Variants in C1GALT1 observed in about 807,000 individuals in gnomAD.
C1GALT1 encodes the protein glycoprotein-N-acetylgalactosamine 3-beta-galactosyltransferase 1.
In C1GALT1, 11 loss-of-function variants were observed where a neutral mutation model predicts 31.0. That is an observed-to-expected ratio of 0.36 (90% CI 0.22 to 0.59). The LOEUF (loss-of-function observed/expected upper bound fraction) is 0.59. Among genes scored for constraint, C1GALT1 ranks in the 20% least tolerant of loss-of-function variants. The pLI is 0.79. For missense variants in C1GALT1, 424 were observed against 425.2 expected (o/e 1.00, Z 0.03); for synonymous variants, 175 against 143.6 (o/e 1.22, Z -1.56).
chr7:7,240,732 A>C (rs1361025238), intron 3 of C1GALT1, among the ~76,000 whole-genome samples: 2 of 152,126 alleles, frequency 1.3e-5, no homozygotes, highest in Non-Finnish European at 2.9e-5. Context: ...CAGAGTACCA[A>C]AATTGACCCA....
chr7:7,158,299 T>A (rs1780295796), intron 2 of C1GALT1, among the ~76,000 whole-genome samples: 1 of 152,186 alleles, frequency 6.6e-6, no homozygotes, highest in Non-Finnish European at 1.5e-5. Flanking sequence ...GACTCTGTTC[T>A]GTCTAATTCA....
In C1GALT1 at chr7:7,244,954, T is replaced by C. The variant is rs1783783856; in HGVS notation, c.*1227T>C. On this transcript the variant is annotated 3_prime_UTR_variant, in exon 4 of 4. Transcript: ENST00000436587. ...TAATTGTTTTGCTAATGGATAATTC[T>C]AACAATGCAGAATACCTAGTCAAGA... is the stretch of plus-strand genomic sequence containing the variant. 2 of 152,244 alleles carry C rather than the reference T, an allele frequency of 1.3e-5. No homozygotes were observed. The highest frequency in any genetic ancestry group is 6.5e-5 in the Admixed American group (1 of 15,290). 9.4% of individuals were successfully genotyped at this position (152,244 alleles called of 1,614,324 possible). A position where few individuals can be genotyped will look rare whatever the true frequency, so the allele number is the denominator to read the frequency against.
chr7:7,205,717 A>G (rs915841413), intron 1 of C1GALT1, among the ~76,000 whole-genome samples: 1 of 152,178 alleles, frequency 6.6e-6, no homozygotes, highest in Non-Finnish European at 1.5e-5. Context: ...GTCTGATATT[A>G]GTATGGCACT....
chr7:7,237,354 A>G (rs552926310), intron 2 of C1GALT1, among the ~76,000 whole-genome samples: 139 of 152,320 alleles, frequency 9.1e-4, no homozygotes, highest in African/African-American at 3.1e-3. Context: ...ATGAGGTTAC[A>G]CTAGGATGTA....
chr7:7,207,506 A>G (rs1212718960), intron 1 of C1GALT1, among the ~76,000 whole-genome samples: 1 of 149,520 alleles, frequency 6.7e-6, no homozygotes, highest in Non-Finnish European at 1.5e-5. Context: ...TCATATTTCC[A>G]TTTTGTTCAT....
chr7:7,238,425 G>C lies in C1GALT1; in HGVS notation c.391G>C (p.Ala131Pro). Residue 131 changes from alanine (A) to proline (P), a missense_variant, in exon 3 of 4, where the codon GCT (alanine) becomes CCT (proline). Ala to Pro is a conservative substitution (Grantham distance 27). Transcript: ENST00000436587. This position sits in a 1 kb window ranked among gnomAD's most constrained non-coding sequence, Gnocchi z 5.2. ...TTCAGAAGAAAATAAAGACTTCCCT[G>C]CTGTGGGACTGAAAACCAAAGAAGG... ...MSSEENKDFP[A>P]VGLKTKEGRD... 6.2e-7 allele frequency: 1 copy of C among 1,613,946 alleles called. No individual in the cohort carries two copies. The highest frequency in any genetic ancestry group is 1.1e-5 in the South Asian group (1 of 91,072).
chr7:7,186,923 A>C (rs1780841348), intron 1 of C1GALT1, among the ~76,000 whole-genome samples: 1 of 152,208 alleles, frequency 6.6e-6, no homozygotes, highest in South Asian at 2.1e-4. Context: ...TGGCTCTCTA[A>C]GATTAGGAAG....
At chr7:7,169,987 C>A (rs970554323) in intron 2 of C1GALT1, among the ~76,000 whole-genome samples, 5 of 152,170 alleles carry the variant, frequency 3.3e-5, no homozygotes, top group Non-Finnish European at 5.9e-5. Flanking sequence ...TGGTCCTGGA[C>A]TTTTCTTTGT....
chr7:7,184,324 G>T (rs1439983180), intron 1 of C1GALT1, among the ~76,000 whole-genome samples: 1 of 152,142 alleles, frequency 6.6e-6, no homozygotes. Context: ...GCTACTAAAT[G>T]CCTCTCAAAT....
intron 2 of C1GALT1, among the ~76,000 whole-genome samples, chr7:7,159,503 A>G (rs979770210): frequency 6.6e-6 from 1 of 151,920 alleles, no homozygotes; most frequent in East Asian, 1.9e-4. Flanking sequence ...AAAGGAAAGA[A>G]AGTGGTGTGT....
chr7:7,204,701 T>C (rs1032172050), intron 1 of C1GALT1, among the ~76,000 whole-genome samples: 1 of 152,172 alleles, frequency 6.6e-6, no homozygotes, highest in African/African-American at 2.4e-5. Flanking sequence ...ATAAATGTCT[T>C]CCTTAGCACT....
intron 1 of C1GALT1, among the ~76,000 whole-genome samples, chr7:7,229,592 A>C (rs1344284603): frequency 6.6e-6 from 1 of 152,184 alleles, no homozygotes; most frequent in African/African-American, 2.4e-5. Flanking sequence ...TGTTTGAATG[A>C]AATTTCAAAC....
intron 1 of C1GALT1, among the ~76,000 whole-genome samples, chr7:7,205,821 G>A (rs1781715239): frequency 6.6e-6 from 1 of 152,008 alleles, no homozygotes. Flanking sequence ...TGAGTCTTTA[G>A]TAGACAGCAT....
Position 7,246,471 on chromosome 7 carries a change from A to G in C1GALT1, c.*2744A>G, listed in dbSNP as rs1056642734. 1.3e-5 allele frequency: 2 copies of G among 152,220 alleles called. No homozygotes were observed. The highest frequency in any genetic ancestry group is 1.5e-5 in the Non-Finnish European group (1 of 68,038). 9.4% of individuals were successfully genotyped at this position (152,220 alleles called of 1,614,324 possible). ...ACTTGCCCAGGATGTTGTTAAATGC[A>G]GATCTGAAGACCCCAATCTCAGAAA... On this transcript the variant is annotated 3_prime_UTR_variant, in exon 4 of 4. Transcript: ENST00000436587.
upstream of C1GALT1, among the ~76,000 whole-genome samples, chr7:7,179,855 G>C (rs1157222872): frequency 7.7e-6 from 1 of 130,678 alleles, no homozygotes; most frequent in Non-Finnish European, 1.6e-5. Context: ...CCCTGTTTCA[G>C]GTTCAAAAAA....
At chr7:7,173,272 G>T (rs1780473197) in intron 2 of C1GALT1, among the ~76,000 whole-genome samples, 1 of 151,842 alleles carries the variant, frequency 6.6e-6, no homozygotes. Flanking sequence ...TCTTGTTCCT[G>T]CTCTGGCCAT....
intron 2 of C1GALT1, among the ~76,000 whole-genome samples, chr7:7,166,128 T>C (rs1425636574): frequency 6.6e-6 from 1 of 152,178 alleles, no homozygotes; most frequent in Non-Finnish European, 1.5e-5. Flanking sequence ...CGTATATTAC[T>C]GCCATTTTAT....
At chr7:7,199,038 C>T (rs1315195090) in intron 1 of C1GALT1, among the ~76,000 whole-genome samples, 2 of 152,178 alleles carry the variant, frequency 1.3e-5, no homozygotes, top group Non-Finnish European at 2.9e-5. Context: ...CTATCTCCTT[C>T]AGTTCTGCTC....
At chr7:7,187,739 A>G (rs946460672) in intron 1 of C1GALT1, among the ~76,000 whole-genome samples, 1 of 152,202 alleles carries the variant, frequency 6.6e-6, no homozygotes, top group Non-Finnish European at 1.5e-5. Context: ...TGTTGTAGTC[A>G]GAGAAGACAG....
Sources: allele counts gnomAD v4.1 joint callset (sites outside exome capture counted in the v4.1 genomes callset), GRCh38; gene constraint gnomAD v4.1.1; non-coding constraint Gnocchi (gnomAD v3.1); transcripts MANE v1.5; gene names NCBI Gene and HGNC (gene_info 2026-07-23, HGNC 2026-07-21).